Variants in SENP2 observed in about 807,000 individuals in gnomAD.
SENP2 encodes SUMO specific peptidase 2.
In SENP2, 16 loss-of-function variants were observed where a neutral mutation model predicts 86.3. The ratio of observed to expected loss-of-function variants is 0.19; its 90% CI spans 0.13 to 0.28. The LOEUF (loss-of-function observed/expected upper bound fraction) is 0.28. Among genes scored for constraint, SENP2 ranks in the 10% least tolerant of loss-of-function variants. The pLI is 1.00. For synonymous variants in SENP2, 222 were observed against 238.7 expected (o/e 0.93, Z 0.64); for missense variants, 552 against 703.0 (o/e 0.79, Z 2.43).
chr3:185,621,391 T>C lies in SENP2; in HGVS notation c.1447-435T>C, dbSNP rs111809814. 2.6e-3 allele frequency among the ~76,000 whole-genome samples: 319 copies of C among 120,496 alleles called. 1 individual carries two copies. Among genetic ancestry groups the C allele is most frequent in the South Asian group, 0.01 (27 of 2,582 alleles). The allele number at this position is 120,496 out of a possible 152,430, so 79.1% of individuals were successfully genotyped here. A position where few individuals can be genotyped will look rare whatever the true frequency, so the allele number is the denominator to read the frequency against. ...ATATCGTTTTTCTTTTTTTTCTTTT[T>C]TTTTTTTTTTTTTTTTTTGAGACAG... On this transcript the variant is annotated intron_variant, in intron 13 of 16. Coordinates refer to ENST00000296257, the MANE Select transcript of SENP2 (RefSeq NM_021627.3).
intron 12 of SENP2, among the ~76,000 whole-genome samples, chr3:185,618,617 G>T (rs765388067): frequency 2.6e-5 from 4 of 152,150 alleles, no homozygotes; most frequent in Admixed American, 1.3e-4. Flanking sequence ...GGTGGCTCAC[G>T]CCTGTAATCC....
chr3:185,610,154 C>CTTTTTTT (rs557832407), intron 7 of SENP2, among the ~76,000 whole-genome samples: 1 of 115,082 alleles, frequency 8.7e-6, no homozygotes, highest in Non-Finnish European at 1.7e-5. Context: ...TATTATCTAG[C>CTTTTTTT]TTTTTTTTTT....
At chr3:185,623,366 C>T (rs949155556) in intron 14 of SENP2, among the ~76,000 whole-genome samples, 2 of 151,966 alleles carry the variant, frequency 1.3e-5, no homozygotes, top group Non-Finnish European at 1.5e-5. Flanking sequence ...TCGCAAACTC[C>T]CGACCTCAGG....
At chr3:185,605,483 C>T (rs1391467237) in intron 5 of SENP2, among the ~76,000 whole-genome samples, 7 of 152,028 alleles carry the variant, frequency 4.6e-5, no homozygotes, top group Non-Finnish European at 7.4e-5. Flanking sequence ...AAATTTTTCT[C>T]TTATAGCTTT....
chr3:185,610,253 T>A (rs1027216260), intron 7 of SENP2, among the ~76,000 whole-genome samples: 7 of 149,372 alleles, frequency 4.7e-5, no homozygotes, highest in Non-Finnish European at 8.9e-5. Flanking sequence ...CTCCGCTTCC[T>A]GGGTTCAAGC....
At chr3:185,588,764 A>C (rs1325752827) in intron 1 of SENP2, among the ~76,000 whole-genome samples, 1 of 152,120 alleles carries the variant, frequency 6.6e-6, no homozygotes, top group African/African-American at 2.4e-5. Flanking sequence ...TAAGGGTAGT[A>C]TTTGTCTGTC....
At chr3:185,590,016 A>G in intron 1 of SENP2, 98 bp from the exon 2 acceptor site, 1 of 602,016 alleles carries the variant, frequency 1.7e-6, no homozygotes, top group Non-Finnish European at 2.7e-6. Context: ...TGACAAAGTG[A>G]TAGAAGGGGG....
intron 4 of SENP2, among the ~76,000 whole-genome samples, chr3:185,600,043 C>A (rs1359185519): frequency 6.6e-6 from 1 of 152,136 alleles, no homozygotes; most frequent in Non-Finnish European, 1.5e-5. Context: ...GTGATCCGCC[C>A]ACCTCGGCCT....
intron 10 of SENP2, chr3:185,613,711 C>G: frequency 5.0e-6 from 1 of 199,592 alleles, no homozygotes; most frequent in African/African-American, 2.4e-5. Context: ...GTCTGTAGTC[C>G]CAGCTACTTG....
In SENP2 at chr3:185,591,107, G is replaced by A. The variant is rs182420435; in HGVS notation, c.157+938G>A. On this transcript the variant is annotated intron_variant, in intron 2 of 16. Transcript: ENST00000296257. The stretch of plus-strand genomic sequence containing the variant: ...TTTTTAGTAGAGATGGGGTTTCACC[G>A]TGTTAGCCAGGATGGTCTCCATCTC... Among the ~76,000 whole-genome samples the A allele has an allele frequency of 4.8e-4, 72 of 150,298 alleles. No individual in the cohort carries two copies. In the East Asian group the frequency reaches 9.9e-3, roughly 21 times the overall value.
chr3:185,632,398 C>T lies in SENP2; in HGVS notation c.*2554C>T, dbSNP rs1712524463. ...TACAGGTGCCCACCACCACACCCTG[C>T]TAATTTTTGTACTTTTAGTAGAGAT... On this transcript the variant is annotated 3_prime_UTR_variant, in exon 17 of 17. Transcript: ENST00000296257. 1 of 151,004 alleles carries T rather than the reference C, an allele frequency of 6.6e-6. No individual in the cohort carries two copies. The highest frequency in any genetic ancestry group is 2.4e-5 in the African/African-American group (1 of 40,976). The allele number at this position is 151,004 out of a possible 1,614,324, so 9.4% of individuals were successfully genotyped here.
chr3:185,610,375 C>T (rs868213236), intron 7 of SENP2, among the ~76,000 whole-genome samples: 11 of 151,992 alleles, frequency 7.2e-5, no homozygotes, highest in South Asian at 2.1e-4. Flanking sequence ...TTGGCCAGGC[C>T]GGTCTCGAAC....
rs771635460 is a variant in SENP2, at chr3:185,619,296, T to C, written c.1243-3T>C. ...CAGCTTTTGCTCCCTTGGTATTTTG[T>C]AGGTCATTAATTTTTACATGAATCT... On this transcript the variant is annotated splice_region_variant and splice_polypyrimidine_tract_variant and intron_variant, in intron 12 of 16. Transcript: ENST00000296257. 5.6e-6 allele frequency: 9 copies of C among 1,608,012 alleles called. No individual in the cohort carries two copies. The South Asian group carries it at 9.9e-5, about 18-fold the overall frequency.
intron 6 of SENP2, among the ~76,000 whole-genome samples, chr3:185,607,942 C>T: frequency 6.6e-6 from 1 of 152,196 alleles, no homozygotes; most frequent in Admixed American, 6.5e-5. Context: ...AAGAGTCAAT[C>T]TTTTTACTTT....
chr3:185,627,052 C>T (rs1331297664), intron 16 of SENP2, among the ~76,000 whole-genome samples: 5 of 147,414 alleles, frequency 3.4e-5, no homozygotes, highest in Non-Finnish European at 5.9e-5. Flanking sequence ...GCACTTCAGC[C>T]GCCTGGGGCA....
intron 6 of SENP2, chr3:185,606,905 A>C (rs1407508886): frequency 2.7e-6 from 1 of 365,060 alleles, no homozygotes; most frequent in South Asian, 2.2e-5. Flanking sequence ...CAGAAATAAA[A>C]ATTAAAAGAC....
At chr3:185,623,014 T>G (rs1711960610) in intron 14 of SENP2, among the ~76,000 whole-genome samples, 1 of 151,864 alleles carries the variant, frequency 6.6e-6, no homozygotes, top group South Asian at 2.1e-4. Flanking sequence ...ACAGGGTTTC[T>G]CCATGTTGAT....
chr3:185,600,718 T>C, intron 4 of SENP2, 47 bp from the exon 5 acceptor site: 5 of 1,270,212 alleles, frequency 3.9e-6, no homozygotes, highest in Non-Finnish European at 5.7e-6. Flanking sequence ...GCAGACTGTT[T>C]GCAAGTGATT....
intron 6 of SENP2, 188 bp from the exon 7 acceptor site, chr3:185,609,059 T>C (rs1391935456): frequency 2.0e-6 from 1 of 505,500 alleles, no homozygotes; most frequent in Non-Finnish European, 3.5e-6. Flanking sequence ...GCCCTACATA[T>C]AGATTGTGGA....
Sources: allele counts gnomAD v4.1 joint callset (sites outside exome capture counted in the v4.1 genomes callset), GRCh38; gene constraint gnomAD v4.1.1; transcripts MANE v1.5; gene names NCBI Gene and HGNC (gene_info 2026-07-23, HGNC 2026-07-21).